The following NPR2 variants were observed in gnomAD, a reference collection of about 807,000 sequenced individuals.
NPR2 encodes the protein atrial natriuretic peptide receptor 2.
Under a neutral mutation model 120.7 loss-of-function variants are expected in NPR2, and 49 were observed. The observed-to-expected ratio is 0.41, with a 90% confidence interval of 0.32 to 0.52. The LOEUF (loss-of-function observed/expected upper bound fraction) is 0.52, where lower values mean the gene tolerates loss of function less well. Ranked by LOEUF, NPR2 falls within the 20% of genes least tolerant of loss-of-function variation. The pLI is 0.36. For synonymous variants in NPR2, 484 were observed against 519.8 expected (o/e 0.93, Z 0.94); for missense variants, 931 against 1,362.9 (o/e 0.68, Z 4.99).
At position 35,808,298 on chromosome 9, in the gene NPR2, C is replaced by T. The variant is rs772364522; in HGVS notation, c.2713-211C>T. On this transcript the variant is annotated intron_variant, in intron 18 of 21. Transcript: ENST00000342694. The surrounding 1 kb of genome is among the most constrained non-coding windows in gnomAD (Gnocchi z 4.0). ...ATTCCGCAAATGTTTACTGAGTATTCACCAGGTGCTGGGTGGAGAAAGAAG... is the reference window on the plus strand; with the variant it reads ...ATTCCGCAAATGTTTACTGAGTATTTACCAGGTGCTGGGTGGAGAAAGAAG... 2 of 1,607,682 alleles carry T rather than the reference C, an allele frequency of 1.2e-6. No homozygotes were observed. Among genetic ancestry groups the T allele is most frequent in the African/African-American group, 1.3e-5 (1 of 74,910 alleles).
chr9:35,807,901 G>A (rs188421222), intron 18 of NPR2: 5 of 468,722 alleles, frequency 1.1e-5, no homozygotes. Context: ...CTGAGCCTCA[G>A]TTGTTTTATC....
In NPR2 at chr9:35,802,853, C is replaced by T; in HGVS notation, c.1887+50C>T. On this transcript the variant is annotated intron_variant, in intron 12 of 21. Coordinates refer to ENST00000342694, the MANE Select transcript of NPR2 (RefSeq NM_003995.4). The surrounding 1 kb of genome is among the most constrained non-coding windows in gnomAD (Gnocchi z 4.2). ...GTTCATCCACTTTAAATCACTTCCA[C>T]TGTTCTTTGATTGTGGTTTTTCTCC... 1 of 1,242,538 alleles carries T rather than the reference C, an allele frequency of 8.0e-7. No homozygotes were observed. The highest frequency in any genetic ancestry group is 1.2e-6 in the Non-Finnish European group (1 of 842,494). 77.0% of individuals were successfully genotyped at this position (1,242,538 alleles called of 1,614,324 possible).
At chr9:35,801,506 C>G in intron 7 of NPR2, 137 bp from the exon 8 acceptor site, 1 of 917,196 alleles carries the variant, frequency 1.1e-6, no homozygotes, top group Non-Finnish European at 1.8e-6. Flanking sequence ...GAGAATGCAG[C>G]CTTATCTTCC....
Position 35,809,428 on chromosome 9 carries a change from C to T in NPR2, c.3127C>T (p.Pro1043Ser). The change falls in exon 22 of 22, where the codon CCT (proline) becomes TCT (serine). Residue 1043 changes from proline (P) to serine (S), a missense_variant. Physicochemically the swap from Pro to Ser is moderately conservative, Grantham distance 74. Transcript: ENST00000342694. This position sits in a 1 kb window ranked among gnomAD's most constrained non-coding sequence, Gnocchi z 4.1. Reference sequence around the variant, plus strand: ...CTGGCTCTTAGGAGAGCGGAAAGGACCTCCTGGACTCCTGTAAACCCCCAT... The same window carrying T: ...CTGGCTCTTAGGAGAGCGGAAAGGATCTCCTGGACTCCTGTAAACCCCCAT... ...TYWLLGERKGPPGLL is the reference protein window; with the variant it reads ...TYWLLGERKGSPGLL 1.2e-6 allele frequency: 2 copies of T among 1,614,164 alleles called. No homozygotes were observed. Among genetic ancestry groups the T allele is most frequent in the Non-Finnish European group, 1.7e-6 (2 of 1,180,038 alleles).
intron 6 of NPR2, 31 bp from the exon 7 acceptor site, chr9:35,801,037 CAG>C: frequency 6.3e-7 from 1 of 1,592,074 alleles, no homozygotes; most frequent in Non-Finnish European, 8.6e-7. Context: ...AGTCCGCACA[CAG>C]TCTTCCTCAG....
rs376625895 is a variant in NPR2, at chr9:35,806,345, A to T, written c.2373-47A>T. ...GGTGGGTTGGATAGGAAGTCCTGGG[A>T]ATCTTCAGAATCTTAGAGCAAGTGC... On this transcript the variant is annotated intron_variant, in intron 15 of 21. Transcript: ENST00000342694. The surrounding 1 kb of genome is among the most constrained non-coding windows in gnomAD (Gnocchi z 4.6). The T allele has an allele frequency of 3.1e-6, 5 of 1,611,956 alleles. No homozygotes were observed. Among genetic ancestry groups the T allele is most frequent in the Non-Finnish European group, 4.2e-6 (5 of 1,178,134 alleles).
At position 35,793,059 on chromosome 9, in the gene NPR2, C is replaced by T. The variant is rs779406839; in HGVS notation, c.651C>T (p.Ile217=). ...GCCCCGAGCAGGCCACCCACTTCAT[C>T]CGGGCCAACGGGCGCAGTGAGTGTG... The part of the protein sequence containing the change: ...PGGPEQATHF[I]RANGRIVYIC... Residue 217 remains isoleucine (I), a synonymous_variant, in exon 1 of 22, where the codon ATC becomes ATT. Coordinates refer to ENST00000342694, the MANE Select transcript of NPR2 (RefSeq NM_003995.4). The T allele has an allele frequency of 1.9e-6, 3 of 1,600,128 alleles. No homozygotes were observed. The highest frequency in any genetic ancestry group is 2.6e-6 in the Non-Finnish European group (3 of 1,174,366).
chr9:35,799,988 A>G, intron 3 of NPR2, 34 bp from the exon 4 acceptor site: 1 of 1,613,066 alleles, frequency 6.2e-7, no homozygotes, highest in Non-Finnish European at 8.5e-7. Flanking sequence ...CTTGCAGGAC[A>G]TTTGGAGAGT....
At chr9:35,799,820 G>A in intron 3 of NPR2, 89 bp downstream of exon 3, 2 of 1,416,308 alleles carry the variant, frequency 1.4e-6, no homozygotes, top group South Asian at 1.2e-5. Flanking sequence ...TGGCTGTGGA[G>A]CAAGCCCAAC....
chr9:35,801,512 C>A, intron 7 of NPR2, 131 bp from the exon 8 acceptor site: 1 of 969,498 alleles, frequency 1.0e-6, no homozygotes, highest in South Asian at 1.3e-5. Flanking sequence ...GCAGCCTTAT[C>A]TTCCAGCCCT....
At chr9:35,801,186 C>CT (rs1477941642) in intron 7 of NPR2, 32 bp downstream of exon 7, 1 of 1,514,626 alleles carries the variant, frequency 6.6e-7, no homozygotes, top group Admixed American at 1.7e-5. Flanking sequence ...GACCTACTCC[C>CT]TGCCCCCATT....
At position 35,799,693 on chromosome 9, in the gene NPR2, G is replaced by T. The variant is rs368830314; in HGVS notation, c.949G>T (p.Ala317Ser). The part of the protein sequence containing the change: ...QEFQNRLLIR[A>S]REDFGVELGP... ...ATTCCAGAATCGTCTGCTGATAAGA[G>T]CCCGGGAAGACTTTGGTGTGGAGCT... The change falls in exon 3 of 22, where the codon GCC becomes TCC. Residue 317 changes from alanine to serine, a missense_variant. Ala to Ser is a moderately conservative substitution (Grantham distance 99). Transcript: ENST00000342694. 5.6e-6 allele frequency: 9 copies of T among 1,613,982 alleles called. No homozygotes were observed. Among genetic ancestry groups the T allele is most frequent in the South Asian group, 5.5e-5 (5 of 91,062 alleles).
Position 35,806,144 on chromosome 9 carries a change from A to G in NPR2, c.2283A>G (p.Leu761=). Residue 761 remains leucine (L), a synonymous_variant, in exon 15 of 22, where the codon CTA becomes CTG. Coordinates refer to ENST00000342694, the MANE Select transcript of NPR2 (RefSeq NM_003995.4). The surrounding 1 kb of genome is among the most constrained non-coding windows in gnomAD (Gnocchi z 4.6). Reference sequence around the variant, plus strand: ...ACCGGACCCAACTGAATGAAGAGCTAGTTTTGCTGATGGAGCGATGTTGGG... The same window carrying G: ...ACCGGACCCAACTGAATGAAGAGCTGGTTTTGCTGATGGAGCGATGTTGGG... The part of the protein sequence containing the change: ...SIDRTQLNEE[L]VLLMERCWAQ... The G allele has an allele frequency of 1.2e-6, 2 of 1,614,200 alleles. No homozygotes were observed. Among genetic ancestry groups the G allele is most frequent in the Non-Finnish European group, 1.7e-6 (2 of 1,180,034 alleles).
chr9:35,801,725 T>C lies in NPR2; in HGVS notation c.1519T>C (p.Tyr507His), dbSNP rs1210253875. 3 of 1,614,214 alleles carry C rather than the reference T, an allele frequency of 1.9e-6. No homozygotes were observed. The highest frequency in any genetic ancestry group is 4.5e-5 in the East Asian group (2 of 44,886). The change falls in exon 8 of 22, where the codon TAT becomes CAT. Residue 507 changes from tyrosine to histidine, a missense_variant. By Grantham distance (83) the Tyr-to-His change is moderately conservative (BLOSUM62 2). This residue lies in a region of NPR2 where 681 missense variants were observed against 974.3 expected (regional missense o/e 0.70). Transcript: ENST00000342694. ...EELQFGNSER[Y>H]HKGAGSRLTL... The stretch of plus-strand genomic sequence containing the variant: ...ACTGCAGTTTGGCAACTCAGAGCGT[T>C]ATCACAAAGGTGCAGGCAGTCGCCT...
chr9:35,793,207 C>T, intron 1 of NPR2, 132 bp downstream of exon 1: 2 of 983,168 alleles, frequency 2.0e-6, no homozygotes, highest in South Asian at 3.4e-5. Context: ...AAGAAGCACA[C>T]GTGGACAGAG....
chr9:35,793,779 A>T, intron 1 of NPR2, 119 bp from the exon 2 acceptor site: 1 of 1,007,434 alleles, frequency 9.9e-7, no homozygotes. Context: ...TTTGGGGTTG[A>T]TAGGTTAGGG....
In NPR2 at chr9:35,800,095, A is replaced by G; in HGVS notation, c.1061A>G (p.Glu354Gly). 1 of 1,614,072 alleles carries G rather than the reference A, an allele frequency of 6.2e-7. No individual in the cohort carries two copies. The highest frequency in any genetic ancestry group is 8.5e-7 in the Non-Finnish European group (1 of 1,179,956). ...GAAGTCCTGAATGAGACAATACAGG[A>G]AGGAGGCACCCGGGAGGATGGACTT... is the stretch of plus-strand genomic sequence containing the variant. ...YAEVLNETIQ[E>G]GGTREDGLRI... Residue 354 changes from glutamate to glycine, a missense_variant, in exon 4 of 22, where the codon GAA (glutamate) becomes GGA (glycine). Physicochemically the swap from Glu to Gly is moderately conservative, Grantham distance 98. Coordinates refer to ENST00000342694, the MANE Select transcript of NPR2 (RefSeq NM_003995.4). The surrounding 1 kb of genome is among the most constrained non-coding windows in gnomAD (Gnocchi z 4.7).
Position 35,802,875 on chromosome 9 carries a change from C to A in NPR2, c.1887+72C>A. ...CCACTGTTCTTTGATTGTGGTTTTT[C>A]TCCTTCTAGTCCTCTGAAGTCCTGT... is the stretch of plus-strand genomic sequence containing the variant. On this transcript the variant is annotated intron_variant, in intron 12 of 21. Coordinates refer to ENST00000342694, the MANE Select transcript of NPR2 (RefSeq NM_003995.4). The surrounding 1 kb of genome is among the most constrained non-coding windows in gnomAD (Gnocchi z 4.2). 9.7e-7 allele frequency: 1 copy of A among 1,035,408 alleles called. No homozygotes were observed. The highest frequency in any genetic ancestry group is 1.5e-6 in the Non-Finnish European group (1 of 654,118). The allele number at this position is 1,035,408 out of a possible 1,614,324, so 64.1% of individuals were successfully genotyped here. A position where few individuals can be genotyped will look rare whatever the true frequency, so the allele number is the denominator to read the frequency against.
At chr9:35,793,743 A>G (rs868840536) in intron 1 of NPR2, among the ~76,000 whole-genome samples, 155 bp from the exon 2 acceptor site, 3 of 152,140 alleles carry the variant, frequency 2.0e-5, no homozygotes, top group Non-Finnish European at 2.9e-5. Flanking sequence ...GTGGACTCCA[A>G]GAGGGGTGGG....
Sources: allele counts gnomAD v4.1 joint callset (sites outside exome capture counted in the v4.1 genomes callset), GRCh38; gene constraint gnomAD v4.1.1; regional missense constraint gnomAD v4.1.1; non-coding constraint Gnocchi (gnomAD v3.1); transcripts MANE v1.5; gene names NCBI Gene and HGNC (gene_info 2026-07-23, HGNC 2026-07-21).